The following LDLRAD4 variants were observed in gnomAD, a reference collection of about 807,000 sequenced individuals.
LDLRAD4 encodes the protein low-density lipoprotein receptor class A domain-containing protein 4.
Under a neutral mutation model 17.0 loss-of-function variants are expected in LDLRAD4, and 5 were observed. That is an observed-to-expected ratio of 0.29 (90% CI 0.15 to 0.62). The LOEUF (loss-of-function observed/expected upper bound fraction) is 0.62, where lower values mean the gene tolerates loss of function less well. LDLRAD4 is among the 20% of genes least tolerant of loss of function. The probability of loss-of-function intolerance (pLI) is 0.84; values close to 1 mark genes in which losing one functional copy is unlikely to be tolerated. For synonymous variants in LDLRAD4, 168 were observed against 171.8 expected (o/e 0.98, Z 0.17); for missense variants, 340 against 424.7 (o/e 0.80, Z 1.75).
upstream of LDLRAD4, among the ~76,000 whole-genome samples, chr18:13,275,324 C>A (rs1343044156): frequency 3.9e-5 from 6 of 152,180 alleles, no homozygotes; most frequent in Non-Finnish European, 8.8e-5. Context: ...TACTGAGTGA[C>A]ATTTTAAGCA....
At chr18:13,527,931 T>G (rs1024414132) in intron 3 of LDLRAD4, among the ~76,000 whole-genome samples, 1 of 152,164 alleles carries the variant, frequency 6.6e-6, no homozygotes, top group Non-Finnish European at 1.5e-5. Flanking sequence ...TGCCTCCTGC[T>G]TTAGCCTGGC....
intron 3 of LDLRAD4, among the ~76,000 whole-genome samples, chr18:13,528,091 C>T (rs2094063200): frequency 6.6e-6 from 1 of 152,208 alleles, no homozygotes; most frequent in Non-Finnish European, 1.5e-5. Flanking sequence ...CACTTCACTG[C>T]CTGATATGCT....
At chr18:13,460,567 T>C (rs890501231) in intron 3 of LDLRAD4, among the ~76,000 whole-genome samples, 6 of 152,236 alleles carry the variant, frequency 3.9e-5, no homozygotes, top group African/African-American at 1.4e-4. Context: ...TTTTGTATTT[T>C]CTAAGAGATT....
chr18:13,270,553 A>G (rs1294140627), intron 1 of LDLRAD4, among the ~76,000 whole-genome samples: 2 of 152,190 alleles, frequency 1.3e-5, no homozygotes, highest in Non-Finnish European at 2.9e-5. Context: ...ATGTGTTTTC[A>G]TTAAGTTATT....
chr18:13,220,491 GC>G (rs1290822545), intron 1 of LDLRAD4, among the ~76,000 whole-genome samples: 1 of 152,178 alleles, frequency 6.6e-6, no homozygotes, highest in East Asian at 1.9e-4. Flanking sequence ...CGCAGCCAGT[GC>G]CAGCTGCTTA....
intron 2 of LDLRAD4, among the ~76,000 whole-genome samples, chr18:13,424,017 C>T (rs1194573966): frequency 6.6e-6 from 1 of 152,070 alleles, no homozygotes; most frequent in Non-Finnish European, 1.5e-5. Context: ...TGCCTGTAAT[C>T]CTAGCTACTC....
chr18:13,403,741 A>G (rs2087445465), intron 2 of LDLRAD4, among the ~76,000 whole-genome samples: 1 of 152,224 alleles, frequency 6.6e-6, no homozygotes, highest in South Asian at 2.1e-4. Flanking sequence ...GCGTGTCTTT[A>G]TAGGAGCCAG....
In LDLRAD4 at chr18:13,435,514, A is replaced by C. The variant is rs138581556; in HGVS notation, c.41-2730A>C. On this transcript the variant is annotated intron_variant, in intron 2 of 5. Coordinates refer to ENST00000359446, the Ensembl canonical transcript of LDLRAD4. ...TGGGCTTGGGAGCAGTAGCATGATC[A>C]TAGCTCACTGCAGCCTGGAACTTCT... is the stretch of plus-strand genomic sequence containing the variant. 1.7e-3 allele frequency among the ~76,000 whole-genome samples: 260 copies of C among 152,310 alleles called. 1 individual carries two copies. The highest frequency in any genetic ancestry group is 6.1e-3 in the African/African-American group (254 of 41,576).
chr18:13,618,896 G>T (rs1047196023), intron 3 of LDLRAD4, among the ~76,000 whole-genome samples: 1 of 152,218 alleles, frequency 6.6e-6, no homozygotes, highest in African/African-American at 2.4e-5. Flanking sequence ...TGTCCTGAGC[G>T]GAGTCTCTCT....
At chr18:13,525,673 CATGAGCAGGAG>C (rs544412108) in intron 3 of LDLRAD4, among the ~76,000 whole-genome samples, 55 of 152,376 alleles carry the variant, frequency 3.6e-4, no homozygotes, top group African/African-American at 1.3e-3. Context: ...GGAAGCAGAA[CATGAGCAGGAG>C]AGCAGAGCTG....
intron 3 of LDLRAD4, among the ~76,000 whole-genome samples, chr18:13,442,531 G>T (rs2091095092): frequency 6.6e-6 from 1 of 152,166 alleles, no homozygotes; most frequent in Non-Finnish European, 1.5e-5. Context: ...TGAGAAAGTG[G>T]GTTGGGCCTA....
At chr18:13,226,872 C>T (rs2041838265) in intron 1 of LDLRAD4, among the ~76,000 whole-genome samples, 1 of 152,192 alleles carries the variant, frequency 6.6e-6, no homozygotes, top group Non-Finnish European at 1.5e-5. Context: ...CCCCCAGCCT[C>T]CTCATCCTCC....
intron 1 of LDLRAD4, among the ~76,000 whole-genome samples, chr18:13,379,081 A>G (rs2085143265): frequency 1.3e-5 from 2 of 152,232 alleles, no homozygotes; most frequent in African/African-American, 2.4e-5. Context: ...CAGTGCCATC[A>G]TTGCTTCCAT....
At chr18:13,267,963 A>C (rs1245492091) in intron 1 of LDLRAD4, among the ~76,000 whole-genome samples, 1 of 152,180 alleles carries the variant, frequency 6.6e-6, no homozygotes, top group Non-Finnish European at 1.5e-5. Context: ...TCCTCACTTC[A>C]AGCGATCCTC....
intron 3 of LDLRAD4, among the ~76,000 whole-genome samples, chr18:13,594,607 A>G (rs1436341533): frequency 7.1e-6 from 1 of 140,598 alleles, no homozygotes; most frequent in Admixed American, 7.7e-5. Flanking sequence ...TGGAGGTTGC[A>G]GTGAGCTGAG....
At chr18:13,601,369 A>G (rs1198128426) in intron 3 of LDLRAD4, among the ~76,000 whole-genome samples, 4 of 152,238 alleles carry the variant, frequency 2.6e-5, no homozygotes, top group Non-Finnish European at 5.9e-5. Flanking sequence ...CAAACATAGG[A>G]AAAAATGCTC....
intron 1 of LDLRAD4, among the ~76,000 whole-genome samples, chr18:13,252,052 A>G (rs758399031): frequency 2.0e-5 from 3 of 152,248 alleles, no homozygotes; most frequent in East Asian, 1.9e-4. Flanking sequence ...GGGTCCTCCC[A>G]GGAGAAACAG....
chr18:13,598,159 C>A (rs1409138111), intron 3 of LDLRAD4, among the ~76,000 whole-genome samples: 2 of 152,176 alleles, frequency 1.3e-5, no homozygotes, highest in Non-Finnish European at 2.9e-5. Flanking sequence ...GACGGATTTT[C>A]TCCTCCTCCC....
At chr18:13,390,462 C>G (rs1332949055) in intron 2 of LDLRAD4, among the ~76,000 whole-genome samples, 1 of 152,120 alleles carries the variant, frequency 6.6e-6, no homozygotes, top group African/African-American at 2.4e-5. Flanking sequence ...GGGAGCTTCC[C>G]TACCACCTGG....
Sources: allele counts gnomAD v4.1 joint callset (sites outside exome capture counted in the v4.1 genomes callset), GRCh38; gene constraint gnomAD v4.1.1; transcripts MANE v1.5; gene names NCBI Gene and HGNC (gene_info 2026-07-23, HGNC 2026-07-21).